Variants in TRPM3 observed in about 807,000 individuals in gnomAD.
TRPM3 encodes the protein transient receptor potential cation channel subfamily M member 3, also known as long transient receptor potential channel 3.
Under a neutral mutation model 181.2 loss-of-function variants are expected in TRPM3, and 77 were observed. The ratio of observed to expected loss-of-function variants is 0.42; its 90% confidence interval spans 0.35 to 0.51. The LOEUF (loss-of-function observed/expected upper bound fraction) is 0.51. Among genes scored for constraint, TRPM3 ranks in the 20% least tolerant of loss-of-function variants. The probability of loss-of-function intolerance (pLI) is 0.01; values close to 1 mark genes in which losing one functional copy is unlikely to be tolerated. For missense variants in TRPM3, 1,759 were observed against 2,196.7 expected, an observed-to-expected ratio of 0.80 and a Z score of 3.98; for synonymous variants, 745 against 796.4, an observed-to-expected ratio of 0.94 and a Z score of 1.09.
intron 1 of TRPM3, among the ~76,000 whole-genome samples, chr9:70,964,376 A>G (rs1199521726): frequency 6.6e-6 from 1 of 152,088 alleles, no homozygotes; most frequent in African/African-American, 2.4e-5. Context: ...CCAGAGCTTA[A>G]AAACTATGAG....
intron 3 of TRPM3, among the ~76,000 whole-genome samples, chr9:70,858,483 CCCA>C (rs796755000): frequency 8.4e-4 from 128 of 152,170 alleles, no homozygotes; most frequent in African/African-American, 2.7e-3. Context: ...CACCCCTTTG[CCCA>C]GACAGAAGAA....
At chr9:71,300,210 C>T (rs2086646019) in intron 1 of TRPM3, among the ~76,000 whole-genome samples, 1 of 151,976 alleles carries the variant, frequency 6.6e-6, no homozygotes, top group African/African-American at 2.4e-5. Context: ...ACATTAGAAA[C>T]ATTAACTTTG....
At chr9:71,256,165 G>T (rs763292851) in intron 1 of TRPM3, among the ~76,000 whole-genome samples, 2 of 152,198 alleles carry the variant, frequency 1.3e-5, no homozygotes, top group Non-Finnish European at 2.9e-5. Flanking sequence ...CATTTGATTG[G>T]AGAGCATCTT....
chr9:71,362,858 AAAATAAT>A (rs1379765540), intron 1 of TRPM3, among the ~76,000 whole-genome samples: 1 of 152,202 alleles, frequency 6.6e-6, no homozygotes, highest in African/African-American at 2.4e-5. Flanking sequence ...GTGAAGATAA[AAAATAAT>A]AATTCCACCT....
intron 1 of TRPM3, among the ~76,000 whole-genome samples, chr9:71,042,358 C>T (rs1307610803): frequency 6.6e-6 from 1 of 152,152 alleles, no homozygotes; most frequent in Non-Finnish European, 1.5e-5. Context: ...GTATATCATG[C>T]CATTCAACAA....
chr9:71,264,565 C>T (rs901507852), intron 1 of TRPM3, among the ~76,000 whole-genome samples: 9 of 152,252 alleles, frequency 5.9e-5, no homozygotes, highest in Middle Eastern at 3.4e-3. Context: ...TGTAAGCATA[C>T]AAGCACGAAA....
chr9:71,437,799 C>T (rs1167923561), intron 1 of TRPM3, among the ~76,000 whole-genome samples: 3 of 138,232 alleles, frequency 2.2e-5, no homozygotes, highest in Admixed American at 7.9e-5. Flanking sequence ...ACCCAGGGGG[C>T]GGGGGTTGCA....
At chr9:70,786,398 T>C (rs1240729318) in intron 6 of TRPM3, among the ~76,000 whole-genome samples, 1 of 150,634 alleles carries the variant, frequency 6.6e-6, no homozygotes, top group African/African-American at 2.4e-5. Flanking sequence ...AGCTGGAGAA[T>C]TGCTTGATCC....
chr9:70,891,627 A>C (rs2096204392), intron 1 of TRPM3, among the ~76,000 whole-genome samples: 1 of 152,204 alleles, frequency 6.6e-6, no homozygotes, highest in Non-Finnish European at 1.5e-5. Flanking sequence ...ACAAAAACTT[A>C]AATGGAAGTA....
At chr9:71,361,287 T>G (rs2092133845) in intron 1 of TRPM3, among the ~76,000 whole-genome samples, 1 of 152,190 alleles carries the variant, frequency 6.6e-6, no homozygotes, top group African/African-American at 2.4e-5. Context: ...GTTTTGCGAT[T>G]TCAAAAACTA....
At chr9:70,798,089 C>T (rs967071385) in intron 6 of TRPM3, among the ~76,000 whole-genome samples, 2 of 152,200 alleles carry the variant, frequency 1.3e-5, no homozygotes, top group Admixed American at 1.3e-4. Flanking sequence ...GGGTCTCACT[C>T]CATCACCCAG....
intron 7 of TRPM3, among the ~76,000 whole-genome samples, chr9:70,773,238 G>A (rs1450520286): frequency 6.6e-6 from 1 of 152,180 alleles, no homozygotes; most frequent in Non-Finnish European, 1.5e-5. Flanking sequence ...ACATGGTATA[G>A]CTGCTAAGGG....
At chr9:70,657,048 A>G (rs1350521959) in intron 9 of TRPM3, among the ~76,000 whole-genome samples, 1 of 151,980 alleles carries the variant, frequency 6.6e-6, no homozygotes, top group East Asian at 1.9e-4. Context: ...GTTCAGGACA[A>G]ACCAGGAAGT....
intron 1 of TRPM3, among the ~76,000 whole-genome samples, chr9:71,066,159 A>T (rs1001751150): frequency 2.0e-5 from 3 of 152,202 alleles, no homozygotes; most frequent in Non-Finnish European, 4.4e-5. Context: ...TAGAAAAAAT[A>T]AGCTTCAAAA....
At chr9:70,779,440 A>G (rs949725639) in intron 7 of TRPM3, among the ~76,000 whole-genome samples, 2 of 152,216 alleles carry the variant, frequency 1.3e-5, no homozygotes, top group Non-Finnish European at 2.9e-5. Flanking sequence ...ATTTTGGAAC[A>G]CAAACGCATT....
intron 11 of TRPM3, 84 bp from the exon 12 acceptor site, chr9:70,635,345 G>A (rs2056983695): frequency 8.2e-7 from 1 of 1,216,714 alleles, no homozygotes; most frequent in Admixed American, 1.7e-5. Context: ...AAGGAAGGGT[G>A]CTGGCTGGTG....
At chr9:70,691,596 T>C (rs1013950375) in intron 8 of TRPM3, among the ~76,000 whole-genome samples, 1 of 152,168 alleles carries the variant, frequency 6.6e-6, no homozygotes, top group Non-Finnish European at 1.5e-5. Context: ...AATCCCTCAT[T>C]CCTTTTTTCC....
Position 70,639,203 on chromosome 9 carries a change from C to A in TRPM3, c.1447-9G>T, listed in dbSNP as rs754657251. ...TGCTCCAGAGATCCCACCTGCAAACCAAGTCACTGAGTTAGTCTGCCCCAG... is the reference window on the plus strand; with the variant it reads ...TGCTCCAGAGATCCCACCTGCAAACAAAGTCACTGAGTTAGTCTGCCCCAG... On this transcript the variant is annotated splice_polypyrimidine_tract_variant and intron_variant, in intron 10 of 25. Coordinates refer to ENST00000677713, the MANE Select transcript of TRPM3 (RefSeq NM_001366145.2). 6.8e-6 allele frequency: 11 copies of A among 1,613,414 alleles called. No individual in the cohort carries two copies. The highest frequency in any genetic ancestry group is 9.3e-6 in the Non-Finnish European group (11 of 1,179,694).
At chr9:70,935,596 C>A (rs2133468703) in intron 1 of TRPM3, among the ~76,000 whole-genome samples, 1 of 152,270 alleles carries the variant, frequency 6.6e-6, no homozygotes, top group South Asian at 2.1e-4. Context: ...CTTTTGGTAT[C>A]TACCTTGCTC....
Sources: gnomAD v4.1 joint callset for allele counts (sites outside exome capture counted in the v4.1 genomes callset) on GRCh38, gnomAD v4.1.1 for gene constraint, MANE v1.5 for transcripts, NCBI Gene and HGNC (gene_info 2026-07-23, HGNC 2026-07-21) for gene names.